RIMS1: variants seen among roughly 807,000 people sequenced by gnomAD.
RIMS1 encodes the protein regulating synaptic membrane exocytosis 1, also known as regulating synaptic membrane exocytosis protein 1.
In RIMS1, 83 loss-of-function variants were observed where a neutral mutation model predicts 214.1. The ratio of observed to expected loss-of-function variants is 0.39; its 90% CI spans 0.32 to 0.47. RIMS1 has a LOEUF of 0.47. Among genes scored for constraint, RIMS1 ranks in the 20% least tolerant of loss-of-function variants. The pLI, the probability that RIMS1 is intolerant of heterozygous loss-of-function variation, is 0.99. For synonymous variants in RIMS1, 793 were observed against 786.8 expected (o/e 1.01, Z -0.13); for missense variants, 2,050 against 2,161.8 (o/e 0.95, Z 1.03).
chr6:72,277,461 A>C (rs571117735), intron 23 of RIMS1, among the ~76,000 whole-genome samples: 6 of 152,026 alleles, frequency 3.9e-5, no homozygotes, highest in African/African-American at 1.5e-4. Context: ...AGGCGCCTGT[A>C]GTCCCAGCTA....
At chr6:72,034,415 T>C (rs1285549006) in intron 2 of RIMS1, among the ~76,000 whole-genome samples, 1 of 152,162 alleles carries the variant, frequency 6.6e-6, no homozygotes, top group Non-Finnish European at 1.5e-5. Flanking sequence ...AAATACAAGA[T>C]ATTTCCATGG....
rs1457798842 is a variant in RIMS1 at position 72,399,065 on chromosome 6, G to T, written c.4831G>T (p.Asp1611Tyr). 6.2e-7 allele frequency: 1 copy of T among 1,608,298 alleles called. No individual in the cohort carries two copies. Among genetic ancestry groups the T allele is most frequent in the Non-Finnish European group, 8.5e-7 (1 of 1,176,918 alleles). Residue 1611 changes from aspartate to tyrosine, a missense_variant, in exon 33 of 34, where the codon GAT becomes TAT. Asp to Tyr is a radical substitution (Grantham distance 160). Coordinates refer to ENST00000521978, the MANE Select transcript of RIMS1 (RefSeq NM_014989.7). ...TTTGTATCAGCAGTCTCTGGTTTTT[G>T]ATGAAAGTCCACAGGGTAAAGTTCT... is the stretch of plus-strand genomic sequence containing the variant. ...DPLYQQSLVFDESPQGKVLQV... is the reference protein window; with the variant it reads ...DPLYQQSLVFYESPQGKVLQV...
intron 28 of RIMS1, among the ~76,000 whole-genome samples, chr6:72,330,122 T>TTTGGAA (rs1487595534): frequency 1.3e-5 from 2 of 151,928 alleles, no homozygotes; most frequent in Non-Finnish European, 1.5e-5. Context: ...GAGGCACAAG[T>TTTGGAA]TTGGAAAATC....
At chr6:72,193,544 G>T (rs2050392424) in intron 6 of RIMS1, among the ~76,000 whole-genome samples, 1 of 152,138 alleles carries the variant, frequency 6.6e-6, no homozygotes, top group Non-Finnish European at 1.5e-5. Flanking sequence ...ATCTGTAATA[G>T]CTATTAATAA....
chr6:71,909,250 GCCTTCCAAAGTGCCGGGAAGTGCTCAGC>G (rs1776211199), intron 1 of RIMS1, among the ~76,000 whole-genome samples: 1 of 152,170 alleles, frequency 6.6e-6, no homozygotes. Context: ...ACCTGCCTCG[GCCTTCCAAAGTGCCGGGAAGTGCTCAGC>G]CCTTCCAAAG....
intron 2 of RIMS1, among the ~76,000 whole-genome samples, chr6:72,015,420 G>A (rs1275538504): frequency 1.3e-5 from 2 of 152,138 alleles, no homozygotes; most frequent in African/African-American, 2.4e-5. Context: ...ATCCTAACAA[G>A]TTATTTGTGG....
At chr6:72,332,659 C>T (rs905087971) in intron 28 of RIMS1, among the ~76,000 whole-genome samples, 1 of 148,242 alleles carries the variant, frequency 6.7e-6, no homozygotes, top group East Asian at 2.0e-4. Context: ...ACATTGTGCA[C>T]ATGTACCCTA....
chr6:72,213,157 G>T, intron 6 of RIMS1: 5 of 1,536,930 alleles, frequency 3.3e-6, no homozygotes, highest in Non-Finnish European at 3.5e-6. Flanking sequence ...TCTTCAGAAG[G>T]GTGGGAAGAA....
At chr6:72,039,271 A>G (rs1369952358) in intron 2 of RIMS1, among the ~76,000 whole-genome samples, 2 of 152,146 alleles carry the variant, frequency 1.3e-5, no homozygotes, top group Non-Finnish European at 2.9e-5. Flanking sequence ...CAAATATAGA[A>G]ACCAATTTAA....
chr6:72,324,712 C>T (rs966670248), intron 28 of RIMS1, among the ~76,000 whole-genome samples: 1 of 151,788 alleles, frequency 6.6e-6, no homozygotes, highest in Non-Finnish European at 1.5e-5. Flanking sequence ...TCACAGTGAG[C>T]AAACTATGGC....
intron 28 of RIMS1, among the ~76,000 whole-genome samples, chr6:72,317,947 C>T (rs563906744): frequency 7.9e-5 from 12 of 152,070 alleles, no homozygotes; most frequent in Admixed American, 2.0e-4. Flanking sequence ...GTCTTTCTGG[C>T]GATTTAACCT....
chr6:72,315,989 TATA>T (rs1375193182), intron 28 of RIMS1, among the ~76,000 whole-genome samples: 3 of 152,170 alleles, frequency 2.0e-5, no homozygotes, highest in African/African-American at 4.8e-5. Flanking sequence ...GCTAATTAAT[TATA>T]ATGATAGAAT....
At chr6:72,305,807 G>T (rs2095099548) in intron 26 of RIMS1, among the ~76,000 whole-genome samples, 1 of 152,080 alleles carries the variant, frequency 6.6e-6, no homozygotes, top group Non-Finnish European at 1.5e-5. Flanking sequence ...TAAAGCAGGG[G>T]TGTATCATTG....
intron 1 of RIMS1, among the ~76,000 whole-genome samples, chr6:71,908,588 T>C (rs189037292): frequency 5.9e-5 from 9 of 152,330 alleles, no homozygotes; most frequent in Admixed American, 3.9e-4. Context: ...AGTATCTAAT[T>C]TACTCATAGG....
At chr6:71,973,506 T>C (rs559105311) in intron 2 of RIMS1, among the ~76,000 whole-genome samples, 7 of 152,290 alleles carry the variant, frequency 4.6e-5, no homozygotes, top group Non-Finnish European at 1.0e-4. Context: ...AACGGCCTAA[T>C]GCTAAAGTGA....
intron 6 of RIMS1, among the ~76,000 whole-genome samples, chr6:72,187,010 A>C (rs1320596388): frequency 1.3e-5 from 2 of 152,112 alleles, no homozygotes; most frequent in Non-Finnish European, 2.9e-5. Context: ...ATGCGCCTGT[A>C]GGCTACTTGA....
chr6:72,118,279 G>A (rs2037487663), intron 4 of RIMS1, among the ~76,000 whole-genome samples: 1 of 151,156 alleles, frequency 6.6e-6, no homozygotes, highest in South Asian at 2.1e-4. Flanking sequence ...TGCCATTATA[G>A]GAGGTTTTTT....
intron 1 of RIMS1, among the ~76,000 whole-genome samples, chr6:71,908,046 G>A (rs911153540): frequency 1.3e-5 from 2 of 152,156 alleles, no homozygotes; most frequent in African/African-American, 2.4e-5. Context: ...TGAAAAGTGG[G>A]CAAAGTGTTT....
At chr6:72,323,912 G>A (rs1207242468) in intron 28 of RIMS1, among the ~76,000 whole-genome samples, 1 of 151,732 alleles carries the variant, frequency 6.6e-6, no homozygotes. Context: ...TGATGGAATG[G>A]CCAAAAGAAA....
Sources: allele counts gnomAD v4.1 joint callset (sites outside exome capture counted in the v4.1 genomes callset), GRCh38; gene constraint gnomAD v4.1.1; transcripts MANE v1.5; gene names NCBI Gene and HGNC (gene_info 2026-07-23, HGNC 2026-07-21).